HEATR6: variants seen among roughly 807,000 people sequenced by gnomAD.
The protein encoded by HEATR6 is HEAT repeat-containing protein 6.
Under a neutral mutation model 132.8 loss-of-function variants are expected in HEATR6, and 106 were observed. The observed-to-expected ratio is 0.80, with a 90% CI of 0.68 to 0.94. The LOEUF is 0.94. Among genes scored for constraint, HEATR6 ranks in the 40% least tolerant of loss-of-function variants. The pLI is 0.00. For synonymous variants in HEATR6, 529 were observed against 537.8 expected (o/e 0.98, Z 0.23); for missense variants, 1,339 against 1,425.1 (o/e 0.94, Z 0.97).
intron 1 of HEATR6, among the ~76,000 whole-genome samples, chr17:60,078,460 G>A (rs1189152017): frequency 6.6e-6 from 1 of 151,588 alleles, no homozygotes. Flanking sequence ...GAAACCCGAG[G>A]CATTATCAGA....
At position 60,047,418 on chromosome 17, in the gene HEATR6, A is replaced by C. The variant is rs1204404682; in HGVS notation, c.2673-13T>G. On this transcript the variant is annotated splice_polypyrimidine_tract_variant and intron_variant, in intron 17 of 19. Transcript: ENST00000184956. ...GTCTGGTGTTTCCCTGTTCCACCCA[A>C]AGCAGACAACACATGTTAAAAGGTA... 1 of 1,552,672 alleles carries C rather than the reference A, an allele frequency of 6.4e-7. No homozygotes were observed. Among genetic ancestry groups the C allele is most frequent in the Non-Finnish European group, 8.9e-7 (1 of 1,126,156 alleles).
Position 60,076,149 on chromosome 17 carries a change from T to C in HEATR6, c.308A>G (p.His103Arg). 6.2e-7 allele frequency: 1 copy of C among 1,603,042 alleles called. No homozygotes were observed. Residue 103 changes from histidine (H) to arginine (R), a missense_variant, in exon 2 of 20, where the codon CAT becomes CGT. Physicochemically the swap from His to Arg is conservative, Grantham distance 29. Transcript: ENST00000184956. ...LVSKVSQLIH[H>R]LLNRLQVIVD... is the part of the protein sequence containing the mutation. Reference sequence around the variant, plus strand: ...GATTACCTGTAATCTGTTAAGTAAATGGTGGATAAGCTGGCTCACTTTGCT... The same window carrying C: ...GATTACCTGTAATCTGTTAAGTAAACGGTGGATAAGCTGGCTCACTTTGCT...
At position 60,070,819 on chromosome 17, in the gene HEATR6, A is replaced by C. The variant is rs1011031058; in HGVS notation, c.700-12T>G. 9 of 1,366,888 alleles carry C rather than the reference A, an allele frequency of 6.6e-6. No homozygotes were observed. Among genetic ancestry groups the C allele is most frequent in the Non-Finnish European group, 9.4e-6 (9 of 954,842 alleles). The allele number at this position is 1,366,888 out of a possible 1,614,324, so 84.7% of individuals were successfully genotyped here. ...GCATTTTGCAATAACTAGGGGGAAA[A>C]GGGAGACCCAGTTAGAAGGCAGAAT... is the stretch of plus-strand genomic sequence containing the variant. On this transcript the variant is annotated splice_polypyrimidine_tract_variant and intron_variant, in intron 5 of 19. Transcript: ENST00000184956.
At chr17:60,054,986 T>C (rs1568616648) in intron 14 of HEATR6, among the ~76,000 whole-genome samples, 1 of 152,158 alleles carries the variant, frequency 6.6e-6, no homozygotes, top group Non-Finnish European at 1.5e-5. Flanking sequence ...GTTTGGGTCA[T>C]GGGGGTGGAT....
At chr17:60,045,480 CT>C (rs1906336425) in intron 19 of HEATR6, among the ~76,000 whole-genome samples, 1 of 152,256 alleles carries the variant, frequency 6.6e-6, no homozygotes, top group South Asian at 2.1e-4. Flanking sequence ...CATGCCACTA[CT>C]TAGAGACAGA....
At chr17:60,078,609 A>G in intron 1 of HEATR6, 87 bp downstream of exon 1, 1 of 998,346 alleles carries the variant, frequency 1.0e-6, no homozygotes, top group Admixed American at 2.4e-5. Flanking sequence ...CGAGAGTGGG[A>G]AGATCAGGGA....
rs140022750 is a variant in HEATR6 at position 60,057,167 on chromosome 17, T to C, written c.1960A>G (p.Ile654Val). 6.2e-7 allele frequency: 1 copy of C among 1,614,196 alleles called. No homozygotes were observed. Among genetic ancestry groups the C allele is most frequent in the Non-Finnish European group, 8.5e-7 (1 of 1,180,010 alleles). The change falls in exon 12 of 20, where the codon ATT (isoleucine) becomes GTT (valine). Residue 654 changes from isoleucine to valine, a missense_variant. Ile to Val is a conservative substitution (Grantham distance 29). Coordinates refer to ENST00000184956, the MANE Select transcript of HEATR6 (RefSeq NM_022070.5). The part of the protein sequence containing the change: ...PKGSSEPCWL[I>V]RLCISIVVLP... ...ACGACAATGGAAATGCAGAGTCGAATGAGCCAGCAGGGCTCTGAAGACCCC... is the reference window on the plus strand; with the variant it reads ...ACGACAATGGAAATGCAGAGTCGAACGAGCCAGCAGGGCTCTGAAGACCCC...
chr17:60,046,904 G>A (rs943858613), intron 18 of HEATR6, among the ~76,000 whole-genome samples: 9 of 152,120 alleles, frequency 5.9e-5, no homozygotes, highest in South Asian at 2.1e-4. Context: ...ACTAAAGGGC[G>A]AGCCAGGGCT....
In HEATR6 at chr17:60,055,562, TA is replaced by T; in HGVS notation, c.2241del (p.Tyr747Ter). ...TCAGGTGCTGCAGTGGAGTCTGGTT[TA>T]TACTGCTGTATTAAGCCTGTGCCCA... Reference protein sequence around the residue: ...EELGTGLIQQYKPDSTAAPDQ... With the variant: ...EELGTGLIQQXKPDSTAAPDQ... On this transcript the variant is annotated frameshift_variant, in exon 14 of 20. Transcript: ENST00000184956. 6.2e-7 allele frequency: 1 copy of T among 1,613,652 alleles called. No homozygotes were observed. The highest frequency in any genetic ancestry group is 8.5e-7 in the Non-Finnish European group (1 of 1,179,784).
chr17:60,064,247 A>G (rs34367586), intron 9 of HEATR6: 15,137 of 153,588 alleles, frequency 0.099, 988 homozygotes, highest in African/African-American at 0.18. Flanking sequence ...CAGAGGTTGC[A>G]GTAAGCTGAG....
At position 60,043,944 on chromosome 17, in the gene HEATR6, GT is replaced by G. The variant is rs1906274938; in HGVS notation, c.3164del (p.Asp1055AlafsTer3). On this transcript the variant is annotated frameshift_variant, in exon 20 of 20. Coordinates refer to ENST00000184956, the MANE Select transcript of HEATR6 (RefSeq NM_022070.5). LOFTEE classifies it high-confidence loss of function. ...ACTTGAATTCCAAAAAGTCTATGGT[GT>G]CTTCACTCTTCTGTAAAGCGGTGAC... ...ALVTALQKSE[D>X]TIDFLEFKYC... 1.2e-6 allele frequency: 2 copies of G among 1,614,010 alleles called. No individual in the cohort carries two copies. Among genetic ancestry groups the G allele is most frequent in the Non-Finnish European group, 1.7e-6 (2 of 1,180,040 alleles).
Position 60,055,540 on chromosome 17 carries a change from G to C in HEATR6, c.2264C>G (p.Pro755Arg). 1 of 1,612,486 alleles carries C rather than the reference G, an allele frequency of 6.2e-7. No individual in the cohort carries two copies. Among genetic ancestry groups the C allele is most frequent in the Non-Finnish European group, 8.5e-7 (1 of 1,179,090 alleles). The change falls in exon 14 of 20, where the codon CCT becomes CGT. Residue 755 changes from proline (P) to arginine (R), a missense_variant. Physicochemically the swap from Pro to Arg is moderately radical, Grantham distance 103. Transcript: ENST00000184956. ...QQYKPDSTAA[P>R]DQRAPVFLVV... ...CAAGAAGACTGGTGCTCTCTGATCA[G>C]GTGCTGCAGTGGAGTCTGGTTTATA...
chr17:60,050,026 A>T (rs745839070), intron 15 of HEATR6, among the ~76,000 whole-genome samples: 1 of 152,230 alleles, frequency 6.6e-6, no homozygotes, highest in African/African-American at 2.4e-5. Flanking sequence ...GAATACTGCT[A>T]TTCTGAATAG....
In HEATR6 at chr17:60,066,267, A is replaced by G. The variant is rs758655598; in HGVS notation, c.1358T>C (p.Leu453Pro). The G allele has an allele frequency of 6.2e-6, 10 of 1,614,136 alleles. No individual in the cohort carries two copies. Among genetic ancestry groups the G allele is most frequent in the Non-Finnish European group, 8.5e-6 (10 of 1,179,992 alleles). ...CAAGGACACTGACTGTGGGCTGCCA[A>G]GTTCAGGCGTATCAGGAATAAAAGC... is the stretch of plus-strand genomic sequence containing the variant. ...WSAFIPDTPE[L>P]GSPQSVSLMT... is the part of the protein sequence containing the mutation. Residue 453 changes from leucine (L) to proline (P), a missense_variant, in exon 9 of 20, where the codon CTT becomes CCT. Coordinates refer to ENST00000184956, the MANE Select transcript of HEATR6 (RefSeq NM_022070.5).
chr17:60,078,397 A>C (rs1316646139), intron 1 of HEATR6, among the ~76,000 whole-genome samples: 1 of 152,228 alleles, frequency 6.6e-6, no homozygotes, highest in East Asian at 1.9e-4. Context: ...TTCTGGGTGC[A>C]CAGAGAGGGA....
Position 60,056,235 on chromosome 17 carries a change from T to C in HEATR6, c.2082A>G (p.Val694=). The change falls in exon 13 of 20, where the codon GTA becomes GTG. Residue 694 remains valine, a splice_region_variant and synonymous_variant. Coordinates refer to ENST00000184956, the MANE Select transcript of HEATR6 (RefSeq NM_022070.5). ...AGTAGCCCCTTGCCAGAAGAGTCAA[T>C]ACCTGCAAAGAGAGCATGGAATTAA... ...PSPMRLEALQ[V]LTLLARGYFS... The C allele has an allele frequency of 1.2e-6, 2 of 1,613,448 alleles. No homozygotes were observed. Among genetic ancestry groups the C allele is most frequent in the Non-Finnish European group, 8.5e-7 (1 of 1,179,744 alleles).
At chr17:60,067,782 C>G in intron 7 of HEATR6, 50 bp from the exon 8 acceptor site, 1 of 1,424,466 alleles carries the variant, frequency 7.0e-7, no homozygotes, top group Non-Finnish European at 9.6e-7. Context: ...TTCAGAATGG[C>G]TTTTCACTGA....
intron 9 of HEATR6, among the ~76,000 whole-genome samples, chr17:60,061,446 G>A (rs1379153989): frequency 6.6e-6 from 1 of 152,282 alleles, no homozygotes; most frequent in African/African-American, 2.4e-5. Context: ...ACGAGAGAGC[G>A]AGAGCATGAA....
At chr17:60,067,842 T>C (rs911695316) in intron 7 of HEATR6, 110 bp from the exon 8 acceptor site, 1 of 868,792 alleles carries the variant, frequency 1.2e-6, no homozygotes, top group African/African-American at 1.7e-5. Flanking sequence ...CAACATGTAG[T>C]TTAAAGAAAG....
Sources: gnomAD v4.1 joint callset for allele counts (sites outside exome capture counted in the v4.1 genomes callset) on GRCh38, gnomAD v4.1.1 for gene constraint, MANE v1.5 for transcripts, NCBI Gene and HGNC (gene_info 2026-07-23, HGNC 2026-07-21) for gene names.